The following FYB1 variants were observed in gnomAD, a reference collection of about 807,000 sequenced individuals.
The protein encoded by FYB1 is FYN binding protein 1.
A neutral mutation model predicts 94.1 loss-of-function variants in FYB1; 41 were observed. That is an observed-to-expected ratio of 0.44 (90% CI 0.34 to 0.57). FYB1 has a LOEUF of 0.57. FYB1 is among the 20% of genes least tolerant of loss of function. The pLI, the probability that FYB1 is intolerant of heterozygous loss-of-function variation, is 0.02. For synonymous variants in FYB1, 367 were observed against 353.2 expected (o/e 1.04, Z -0.44); for missense variants, 1,050 against 976.8 (o/e 1.07, Z -1.00).
Position 39,137,719 on chromosome 5 carries a change from C to T in FYB1, c.1396G>A (p.Glu466Lys). ...TTCTTCTCTCTTTCTTTGGATGCTTCTCTGTGAGTAAAAATTGTTAGGTTG... is the reference window on the plus strand; with the variant it reads ...TTCTTCTCTCTTTCTTTGGATGCTTTTCTGTGAGTAAAAATTGTTAGGTTG... ...DSEGETYEDI[E>K]ASKEREKKRE... is the part of the protein sequence containing the mutation. The change falls in exon 7 of 19, where the codon GAA becomes AAA. Residue 466 changes from glutamate to lysine, a missense_variant and splice_region_variant. Physicochemically the swap from Glu to Lys is moderately conservative, Grantham distance 56. Transcript: ENST00000512982. 1.3e-6 allele frequency: 2 copies of T among 1,550,850 alleles called. No individual in the cohort carries two copies. The highest frequency in any genetic ancestry group is 1.7e-6 in the Non-Finnish European group (2 of 1,146,672).
intron 2 of FYB1, among the ~76,000 whole-genome samples, chr5:39,200,810 C>T (rs894591962): frequency 2.0e-5 from 3 of 152,314 alleles, no homozygotes; most frequent in South Asian, 4.2e-4. Context: ...GACCATACTT[C>T]GGTAAGGAGA....
intron 1 of FYB1, among the ~76,000 whole-genome samples, chr5:39,219,177 T>G (rs114227674): frequency 1.3e-5 from 2 of 152,158 alleles, no homozygotes; most frequent in Admixed American, 6.5e-5. Flanking sequence ...CAAGAACACA[T>G]GAGAGGCCTT....
intron 2 of FYB1, among the ~76,000 whole-genome samples, chr5:39,192,854 C>G (rs1747485302): frequency 1.3e-5 from 2 of 152,206 alleles, no homozygotes; most frequent in Admixed American, 6.5e-5. Flanking sequence ...GCCAAGGGAA[C>G]TTTTCAATGG....
intron 1 of FYB1, among the ~76,000 whole-genome samples, chr5:39,245,985 A>G (rs1751461200): frequency 6.6e-6 from 1 of 152,228 alleles, no homozygotes; most frequent in Non-Finnish European, 1.5e-5. Context: ...ATAAGACAGA[A>G]GGGATGTCTA....
rs115425806 is a variant in FYB1, at chr5:39,170,937, G to A, written c.1136-17333C>T. On this transcript the variant is annotated intron_variant, in intron 2 of 18. Transcript: ENST00000512982. ...GTACTCCCTGCTCTCTGATCAGAAC[G>A]CTCCTTTCCCCTATTATTGTATTAC... Among the ~76,000 whole-genome samples, 771 of 152,224 alleles carry A rather than the reference G, an allele frequency of 5.1e-3. 7 individuals carry two copies. Among genetic ancestry groups the A allele is most frequent in the African/African-American group, 0.018 (748 of 41,536 alleles).
intron 1 of FYB1, among the ~76,000 whole-genome samples, chr5:39,208,276 T>A (rs372229266): frequency 9.9e-4 from 151 of 152,306 alleles, no homozygotes; most frequent in African/African-American, 3.5e-3. Context: ...AAGAGGAGAA[T>A]GAATCTCTGC....
At chr5:39,255,430 G>GTTTTTTTT (rs113241046) in intron 1 of FYB1, among the ~76,000 whole-genome samples, 2 of 142,892 alleles carry the variant, frequency 1.4e-5, no homozygotes, top group Admixed American at 7.0e-5. Flanking sequence ...CCATTCACCT[G>GTTTTTTTT]TTTTTTTTTT....
At chr5:39,158,647 A>G (rs1446625185) in intron 2 of FYB1, among the ~76,000 whole-genome samples, 1 of 152,184 alleles carries the variant, frequency 6.6e-6, no homozygotes, top group Non-Finnish European at 1.5e-5. Flanking sequence ...GGTAACAAAG[A>G]TCTATGAAGA....
chr5:39,187,470 A>T (rs1353899143), intron 2 of FYB1, among the ~76,000 whole-genome samples: 1 of 152,232 alleles, frequency 6.6e-6, no homozygotes, highest in East Asian at 1.9e-4. Flanking sequence ...AACATCACTG[A>T]AGAACAAGAT....
At position 39,105,892 on chromosome 5, in the gene FYB1, C is replaced by G. The variant is rs148716051; in HGVS notation, c.*1551G>C. 2 of 152,028 alleles carry G rather than the reference C, an allele frequency of 1.3e-5. No homozygotes were observed. Among genetic ancestry groups the G allele is most frequent in the African/African-American group, 4.8e-5 (2 of 41,490 alleles). The allele number at this position is 152,028 out of a possible 1,614,324, so 9.4% of individuals were successfully genotyped here. On this transcript the variant is annotated 3_prime_UTR_variant, in exon 19 of 19. Transcript: ENST00000512982. ...CAGACACCCAAAATCTATATATTGA[C>G]CAGTGGAAGTTGATGATTTGTTATC...
At chr5:39,200,460 A>G (rs756370202) in intron 2 of FYB1, among the ~76,000 whole-genome samples, 26 of 152,260 alleles carry the variant, frequency 1.7e-4, no homozygotes, top group Non-Finnish European at 2.9e-4. Context: ...AATGGAGGTC[A>G]TAATACTAAA....
At chr5:39,205,433 C>T (rs983725920) in intron 1 of FYB1, among the ~76,000 whole-genome samples, 1 of 152,100 alleles carries the variant, frequency 6.6e-6, no homozygotes, top group African/African-American at 2.4e-5. Context: ...TTAAAGAGTA[C>T]CTGACACATT....
intron 7 of FYB1, chr5:39,137,341 TATTC>T: frequency 3.2e-6 from 1 of 311,162 alleles, no homozygotes; most frequent in East Asian, 8.4e-5. Context: ...AAAAGGTAAA[TATTC>T]ATTCACTCAA....
chr5:39,131,469 A>G (rs1262283158), intron 9 of FYB1, among the ~76,000 whole-genome samples: 1 of 152,210 alleles, frequency 6.6e-6, no homozygotes, highest in Non-Finnish European at 1.5e-5. Flanking sequence ...CTTAGAGGAC[A>G]ATTATATAGT....
At chr5:39,123,996 C>T (rs971576810) in intron 13 of FYB1, among the ~76,000 whole-genome samples, 1 of 152,070 alleles carries the variant, frequency 6.6e-6, no homozygotes, top group South Asian at 2.1e-4. Flanking sequence ...GGTGCTTATC[C>T]CTTCCCACTT....
chr5:39,109,435 C>A (rs774735850), intron 17 of FYB1, among the ~76,000 whole-genome samples: 1 of 152,048 alleles, frequency 6.6e-6, no homozygotes, highest in Non-Finnish European at 1.5e-5. Context: ...CTATTATTTG[C>A]CACACATTCT....
At chr5:39,243,340 G>A (rs1371339551) in intron 1 of FYB1, among the ~76,000 whole-genome samples, 1 of 151,676 alleles carries the variant, frequency 6.6e-6, no homozygotes, top group Non-Finnish European at 1.5e-5. Context: ...AAGGGATCCA[G>A]TTTCAGCTTT....
chr5:39,124,612 A>G (rs959169137), intron 12 of FYB1, among the ~76,000 whole-genome samples: 8 of 152,300 alleles, frequency 5.3e-5, no homozygotes, highest in East Asian at 3.9e-4. Context: ...AGAGTAAATG[A>G]AAGGGACTCA....
chr5:39,130,001 T>A (rs1200797726), intron 10 of FYB1, among the ~76,000 whole-genome samples: 1 of 151,830 alleles, frequency 6.6e-6, no homozygotes, highest in East Asian at 1.9e-4. Flanking sequence ...AGATATAGAA[T>A]CAACCTAATT....
Sources: gnomAD v4.1 joint callset for allele counts (sites outside exome capture counted in the v4.1 genomes callset) on GRCh38, gnomAD v4.1.1 for gene constraint, MANE v1.5 for transcripts, NCBI Gene and HGNC (gene_info 2026-07-23, HGNC 2026-07-21) for gene names.